ANKHD1: variants seen among roughly 807,000 people sequenced by gnomAD.
ANKHD1 encodes the protein ankyrin repeat and KH domain-containing protein 1.
A neutral mutation model predicts 230.5 loss-of-function variants in ANKHD1; 31 were observed. The observed-to-expected ratio is 0.13, with a 90% CI of 0.10 to 0.18. The LOEUF (loss-of-function observed/expected upper bound fraction) is 0.18, where lower values mean the gene tolerates loss of function less well. Among genes scored for constraint, ANKHD1 ranks in the 10% least tolerant of loss-of-function variants. ANKHD1 has a pLI of 1.00. For synonymous variants in ANKHD1, 1,074 were observed against 1,117.6 expected, an observed-to-expected ratio of 0.96 and a Z score of 0.78; for missense variants, 2,256 against 3,071.3, an observed-to-expected ratio of 0.73 and a Z score of 6.27.
intron 2 of ANKHD1, among the ~76,000 whole-genome samples, chr5:140,436,915 T>A (rs1773490975): frequency 6.6e-6 from 1 of 152,202 alleles, no homozygotes; most frequent in Non-Finnish European, 1.5e-5. Context: ...TTAATCTATG[T>A]TTAACTTGAT....
chr5:140,476,165 G>A (rs1750952955), intron 10 of ANKHD1, among the ~76,000 whole-genome samples: 1 of 151,290 alleles, frequency 6.6e-6, no homozygotes, highest in African/African-American at 2.4e-5. Flanking sequence ...GATAAAACAA[G>A]AAATAATACA....
At chr5:140,492,416 T>A (rs920253783) in intron 14 of ANKHD1, among the ~76,000 whole-genome samples, 1 of 152,186 alleles carries the variant, frequency 6.6e-6, no homozygotes, top group African/African-American at 2.4e-5. Context: ...TTGAGAGGAA[T>A]ATTTAGACAT....
intron 1 of ANKHD1, 44 bp from the exon 2 acceptor site, chr5:140,436,060 T>C (rs775832215): frequency 1.4e-6 from 2 of 1,447,716 alleles, no homozygotes; most frequent in African/African-American, 1.5e-5. Context: ...TCTAATCATA[T>C]TGATATCAGT....
At chr5:140,446,321 C>A (rs932621515) in intron 6 of ANKHD1, among the ~76,000 whole-genome samples, 1 of 152,096 alleles carries the variant, frequency 6.6e-6, no homozygotes, top group Non-Finnish European at 1.5e-5. Flanking sequence ...ATAATACACA[C>A]AATACTGAAA....
intron 29 of ANKHD1, among the ~76,000 whole-genome samples, chr5:140,532,163 C>T (rs886554950): frequency 9.4e-5 from 14 of 149,150 alleles, no homozygotes; most frequent in African/African-American, 3.2e-4. Flanking sequence ...GCTGAGATCG[C>T]GCCACTGCAC....
chr5:140,519,576 A>G (rs963119842), intron 24 of ANKHD1, among the ~76,000 whole-genome samples: 1 of 152,242 alleles, frequency 6.6e-6, no homozygotes, highest in Non-Finnish European at 1.5e-5. Flanking sequence ...GTACCAAAAC[A>G]GAGATATAGA....
At chr5:140,452,505 A>G (rs536675708) in intron 7 of ANKHD1, among the ~76,000 whole-genome samples, 1 of 152,294 alleles carries the variant, frequency 6.6e-6, no homozygotes, top group South Asian at 2.1e-4. Context: ...ACGGCCGGGT[A>G]TCCCTCTGAG....
At chr5:140,469,757 G>T in intron 10 of ANKHD1, among the ~76,000 whole-genome samples, 1 of 151,516 alleles carries the variant, frequency 6.6e-6, no homozygotes, top group African/African-American at 2.4e-5. Context: ...ATATTCTCCT[G>T]GTTATACATT....
chr5:140,491,954 A>G (rs1445910087), intron 14 of ANKHD1, among the ~76,000 whole-genome samples: 1 of 152,216 alleles, frequency 6.6e-6, no homozygotes, highest in African/African-American at 2.4e-5. Context: ...GATTAAAGAG[A>G]TGTTTTAAAA....
chr5:140,524,029 C>T (rs1393890007), intron 24 of ANKHD1, 37 bp from the exon 25 acceptor site: 2 of 1,539,082 alleles, frequency 1.3e-6, no homozygotes, highest in South Asian at 1.3e-5. Context: ...TACATTACTG[C>T]CTTATTGGTA....
chr5:140,459,086 AT>A, intron 8 of ANKHD1, 77 bp from the exon 9 acceptor site: 1 of 1,282,792 alleles, frequency 7.8e-7, no homozygotes, highest in East Asian at 2.9e-5. Context: ...GACAGAGATG[AT>A]TATCACAATT....
At chr5:140,534,179 T>G (rs1581384596) in intron 29 of ANKHD1, among the ~76,000 whole-genome samples, 1 of 152,090 alleles carries the variant, frequency 6.6e-6, no homozygotes, top group Non-Finnish European at 1.5e-5. Flanking sequence ...GATCATGAGG[T>G]CAGGAGATCG....
chr5:140,436,361 A>T, intron 2 of ANKHD1, 104 bp downstream of exon 2: 6 of 1,242,202 alleles, frequency 4.8e-6, no homozygotes, highest in Non-Finnish European at 6.2e-6. Context: ...ACAAAATTTA[A>T]AATCTCTAAA....
chr5:140,488,421 C>T lies in ANKHD1; in HGVS notation c.2245+1361C>T, dbSNP rs146341383. ...CCAACATGATGAAACCCCATCTCTA[C>T]GAAAAATACAAAAAATTAGCCAGGT... On this transcript the variant is annotated intron_variant, in intron 14 of 33. Transcript: ENST00000360839. Among the ~76,000 whole-genome samples the T allele has an allele frequency of 3.7e-3, 556 of 151,748 alleles. 7 individuals carry two copies. Among genetic ancestry groups the T allele is most frequent in the African/African-American group, 0.013 (538 of 41,366 alleles).
chr5:140,412,469 A>G (rs1166409071), intron 1 of ANKHD1, among the ~76,000 whole-genome samples: 2 of 152,184 alleles, frequency 1.3e-5, no homozygotes, highest in Non-Finnish European at 2.9e-5. Flanking sequence ...GAAAAGTTTT[A>G]TATTTTTTAA....
intron 24 of ANKHD1, among the ~76,000 whole-genome samples, chr5:140,522,170 T>C (rs544183566): frequency 2.5e-4 from 38 of 152,364 alleles, no homozygotes; most frequent in African/African-American, 9.1e-4. Context: ...TCTGTCTCTA[T>C]AGATTTGTCA....
Position 140,412,935 on chromosome 5 carries a change from T to C in ANKHD1, c.306+10662T>C, listed in dbSNP as rs1014998580. 2.0e-5 allele frequency among the ~76,000 whole-genome samples: 3 copies of C among 152,216 alleles called. No homozygotes were observed. The East Asian group carries it at 5.8e-4, about 29-fold the overall frequency. On this transcript the variant is annotated intron_variant, in intron 1 of 33. Transcript: ENST00000360839. ...CACATTTTGCTCTTCCTCTGCTACA[T>C]AGACTTCTGTTCTCACAAAGTTTTC...
chr5:140,455,742 C>A (rs986761687), intron 7 of ANKHD1, among the ~76,000 whole-genome samples: 2 of 152,176 alleles, frequency 1.3e-5, no homozygotes, highest in East Asian at 1.9e-4. Context: ...TCTATGACAA[C>A]CCCACAGCCA....
At chr5:140,440,000 A>AT (rs1773737694) in intron 3 of ANKHD1, 119 bp from the exon 4 acceptor site, 3 of 1,252,098 alleles carry the variant, frequency 2.4e-6, no homozygotes, top group South Asian at 5.0e-5. Context: ...TGTTCATATA[A>AT]TTTTTTCTTT....
Sources: allele counts gnomAD v4.1 joint callset (sites outside exome capture counted in the v4.1 genomes callset), GRCh38; gene constraint gnomAD v4.1.1; transcripts MANE v1.5; gene names NCBI Gene and HGNC (gene_info 2026-07-23, HGNC 2026-07-21).